Variants in MAB21L1 observed in about 807,000 individuals in gnomAD.
MAB21L1 encodes the protein putative nucleotidyltransferase MAB21L1.
In MAB21L1, 8 loss-of-function variants were observed where a neutral mutation model predicts 28.9. That is an observed-to-expected ratio of 0.28 (90% CI 0.16 to 0.50). MAB21L1 has a LOEUF of 0.50. MAB21L1 is among the 20% of genes least tolerant of loss of function. MAB21L1 has a pLI of 0.98. For synonymous variants in MAB21L1, 219 were observed against 198.2 expected, an observed-to-expected ratio of 1.10 and a Z score of -0.88; for missense variants, 388 against 466.5, an observed-to-expected ratio of 0.83 and a Z score of 1.55.
Position 35,474,693 on chromosome 13 carries a change from C to G in MAB21L1, c.*366G>C, listed in dbSNP as rs1210405981. On this transcript the variant is annotated 3_prime_UTR_variant, in exon 1 of 1. Coordinates refer to ENST00000379919, the MANE Select transcript of MAB21L1 (RefSeq NM_005584.5). ...TATCCAAATCGTGTTTACTCACAGA[C>G]AGATGCACCTAAATCACCAGGATTG... 5 of 187,818 alleles carry G rather than the reference C, an allele frequency of 2.7e-5. No homozygotes were observed. Among genetic ancestry groups the G allele is most frequent in the Non-Finnish European group, 4.4e-5 (4 of 90,628 alleles). The allele number at this position is 187,818 out of a possible 1,614,324, so 11.6% of individuals were successfully genotyped here.
Position 35,475,069 on chromosome 13 carries a change from T to A in MAB21L1, c.1070A>T (p.Glu357Val). Reference sequence around the variant, plus strand: ...TGATTAAATCATCCTCTAAAGTTTTTCCAAACTTTTCGGGTTGGTCAGGAT... The same window carrying A: ...TGATTAAATCATCCTCTAAAGTTTTACCAAACTTTTCGGGTTGGTCAGGAT... ...REILTNPKSL[E>V]KL The change falls in exon 1 of 1, where the codon GAA becomes GTA. Residue 357 changes from glutamate to valine, a missense_variant. Glu to Val is a moderately radical substitution (Grantham distance 121, BLOSUM62 -2). Coordinates refer to ENST00000379919, the MANE Select transcript of MAB21L1 (RefSeq NM_005584.5). 6.2e-7 allele frequency: 1 copy of A among 1,611,526 alleles called. No homozygotes were observed. Among genetic ancestry groups the A allele is most frequent in the Non-Finnish European group, 8.5e-7 (1 of 1,178,492 alleles).
rs45597031 is a variant in MAB21L1 at position 35,475,476 on chromosome 13, C to T, written c.663G>A (p.Lys221=). Residue 221 remains lysine (K), a synonymous_variant, in exon 1 of 1, where the codon AAG becomes AAA. Coordinates refer to ENST00000379919, the MANE Select transcript of MAB21L1 (RefSeq NM_005584.5). ...AGGCGTCGCTCTCCGCCGAGCTCTG[C>T]TTGCCGGCCAAGGAGTGGCACTCCT... ...LSKECHSLAG[K]QSSAESDAWV... is the part of the protein sequence containing the mutation. The T allele has an allele frequency of 8.7e-6, 14 of 1,612,576 alleles. No homozygotes were observed. The highest frequency in any genetic ancestry group is 1.2e-5 in the Non-Finnish European group (14 of 1,179,902).
chr13:35,474,874 C>G lies in MAB21L1; in HGVS notation c.*185G>C. 1.4e-6 allele frequency: 1 copy of G among 709,946 alleles called. No individual in the cohort carries two copies. Among genetic ancestry groups the G allele is most frequent in the South Asian group, 2.1e-5 (1 of 47,096 alleles). 44.0% of individuals were successfully genotyped at this position (709,946 alleles called of 1,614,324 possible). On this transcript the variant is annotated 3_prime_UTR_variant, in exon 1 of 1. Coordinates refer to ENST00000379919, the MANE Select transcript of MAB21L1 (RefSeq NM_005584.5). ...GTGGCTTTGGGTTTTTCTCCATCCG[C>G]TTCCCCTACTTTTTCTCCCCTTGTG... is the stretch of plus-strand genomic sequence containing the variant.
Position 35,475,314 on chromosome 13 carries a change from C to G in MAB21L1, c.825G>C (p.Lys275Asn), listed in dbSNP as rs150778993. The G allele has an allele frequency of 2.5e-5, 41 of 1,613,910 alleles. No individual in the cohort carries two copies. Among genetic ancestry groups the G allele is most frequent in the Non-Finnish European group, 8.5e-7 (1 of 1,180,030 alleles). The change falls in exon 1 of 1, where the codon AAG becomes AAC. Residue 275 changes from lysine (K) to asparagine (N), a missense_variant. This residue lies in a region of MAB21L1 where 218 missense variants were observed against 220.6 expected (regional missense o/e 0.99). Transcript: ENST00000379919. ...TTTCACACTCGTAGGAAACCAGAGT[C>G]TTCATATGGTAATTGTTCAAGGGCT... ...PGQPLNNYHM[K>N]TLVSYECEKH...
At position 35,475,425 on chromosome 13, in the gene MAB21L1, C is replaced by T; in HGVS notation, c.714G>A (p.Glu238=). 1 of 1,613,574 alleles carries T rather than the reference C, an allele frequency of 6.2e-7. No individual in the cohort carries two copies. Among genetic ancestry groups the T allele is most frequent in the Non-Finnish European group, 8.5e-7 (1 of 1,179,970 alleles). ...TGCAGCCCCCCATCTGCAGTCTGTTCTCTGCCTCCGCGAACTGCAGCACCC... is the reference window on the plus strand; with the variant it reads ...TGCAGCCCCCCATCTGCAGTCTGTTTTCTGCCTCCGCGAACTGCAGCACCC... The part of the protein sequence containing the change: ...DAWVLQFAEA[E]NRLQMGGCRK... The change falls in exon 1 of 1, where the codon GAG becomes GAA. Residue 238 remains glutamate, a synonymous_variant. Transcript: ENST00000379919.
Position 35,475,056 on chromosome 13 carries a change from C to G in MAB21L1, c.*3G>C, listed in dbSNP as rs992598508. ...TAATTTCGGCTCTTGATTAAATCATCCTCTAAAGTTTTTCCAAACTTTTCG... is the reference window on the plus strand; with the variant it reads ...TAATTTCGGCTCTTGATTAAATCATGCTCTAAAGTTTTTCCAAACTTTTCG... On this transcript the variant is annotated 3_prime_UTR_variant, in exon 1 of 1. Transcript: ENST00000379919. 4.3e-6 allele frequency: 7 copies of G among 1,609,666 alleles called. No individual in the cohort carries two copies. The highest frequency in any genetic ancestry group is 5.9e-6 in the Non-Finnish European group (7 of 1,177,512).
At position 35,475,482 on chromosome 13, in the gene MAB21L1, G is replaced by T; in HGVS notation, c.657C>A (p.Ala219=). 1 of 1,612,428 alleles carries T rather than the reference G, an allele frequency of 6.2e-7. No homozygotes were observed. Among genetic ancestry groups the T allele is most frequent in the Non-Finnish European group, 8.5e-7 (1 of 1,179,910 alleles). ...NLLSKECHSL[A]GKQSSAESDA... ...CGCTCTCCGCCGAGCTCTGCTTGCC[G>T]GCCAAGGAGTGGCACTCCTTGGACA... Residue 219 remains alanine, a synonymous_variant, in exon 1 of 1, where the codon GCC becomes GCA. Transcript: ENST00000379919.
At position 35,475,163 on chromosome 13, in the gene MAB21L1, G is replaced by C. The variant is rs1469707791; in HGVS notation, c.976C>G (p.Leu326Val). The change falls in exon 1 of 1, where the codon CTG becomes GTG. Residue 326 changes from leucine to valine, a missense_variant. Transcript: ENST00000379919. ...CPHYFLPNLD[L>V]FQGKPHSALE... ...GCTGAGTGAGGTTTGCCTTGAAACA[G>C]ATCTAAGTTCGGTAGAAAGTAGTGG... 3 of 1,613,978 alleles carry C rather than the reference G, an allele frequency of 1.9e-6. No homozygotes were observed. Among genetic ancestry groups the C allele is most frequent in the Non-Finnish European group, 2.5e-6 (3 of 1,180,026 alleles).
chr13:35,473,929 A>G lies in MAB21L1; in HGVS notation c.*1130T>C, dbSNP rs1202246466. 2.0e-5 allele frequency among the ~76,000 whole-genome samples: 3 copies of G among 151,978 alleles called. No homozygotes were observed. The highest frequency in any genetic ancestry group is 7.2e-5 in the African/African-American group (3 of 41,408). On this transcript the variant is annotated 3_prime_UTR_variant, in exon 1 of 1. Coordinates refer to ENST00000379919, the MANE Select transcript of MAB21L1 (RefSeq NM_005584.5). Reference sequence around the variant, plus strand: ...ACTGTCATGATAGACTTTTTTTCTTATATTATCAAAAATGCTACAAGAAGA... The same window carrying G: ...ACTGTCATGATAGACTTTTTTTCTTGTATTATCAAAAATGCTACAAGAAGA...
In MAB21L1 at chr13:35,475,313, T is replaced by C. The variant is rs752263014; in HGVS notation, c.826A>G (p.Thr276Ala). Reference protein sequence around the residue: ...GQPLNNYHMKTLVSYECEKHP... With the variant: ...GQPLNNYHMKALVSYECEKHP... ...TTTTCACACTCGTAGGAAACCAGAG[T>C]CTTCATATGGTAATTGTTCAAGGGC... Residue 276 changes from threonine (T) to alanine (A), a missense_variant, in exon 1 of 1, where the codon ACT (threonine) becomes GCT (alanine). Transcript: ENST00000379919. 3.1e-6 allele frequency: 5 copies of C among 1,613,356 alleles called. No individual in the cohort carries two copies. The East Asian group carries it at 1.1e-4, about 36-fold the overall frequency.
Position 35,475,705 on chromosome 13 carries a change from T to C in MAB21L1, c.434A>G (p.Tyr145Cys), listed in dbSNP as rs1450976891. ...TGCCACCATCTTTACCACATCCCGG[T>C]AGCTACATTTGTCTACCGCTTGAGC... Reference protein sequence around the residue: ...LVAQAVDKCSYRDVVKMVADT... With the variant: ...LVAQAVDKCSCRDVVKMVADT... The change falls in exon 1 of 1, where the codon TAC becomes TGC. Residue 145 changes from tyrosine to cysteine, a missense_variant. By Grantham distance (194) the Tyr-to-Cys change is radical. This residue lies in a region of MAB21L1 where 81 missense variants were observed against 153.7 expected (regional missense o/e 0.53). Coordinates refer to ENST00000379919, the MANE Select transcript of MAB21L1 (RefSeq NM_005584.5). 4 of 1,613,750 alleles carry C rather than the reference T, an allele frequency of 2.5e-6. No individual in the cohort carries two copies. The highest frequency in any genetic ancestry group is 4.5e-5 in the East Asian group (2 of 44,790).
Position 35,475,094 on chromosome 13 carries a change from T to A in MAB21L1, c.1045A>T (p.Ile349Phe), listed in dbSNP as rs1256468956. Residue 349 changes from isoleucine to phenylalanine, a missense_variant, in exon 1 of 1, where the codon ATC (isoleucine) becomes TTC (phenylalanine). By Grantham distance (21) the Ile-to-Phe change is conservative. This residue lies in a region of MAB21L1 where 218 missense variants were observed against 220.6 expected (regional missense o/e 0.99). Transcript: ENST00000379919. ...AKQTWRLARE[I>F]LTNPKSLEKL Reference sequence around the variant, plus strand: ...TCCAAACTTTTCGGGTTGGTCAGGATCTCTCTTGCCAGTCGCCACGTTTGT... The same window carrying A: ...TCCAAACTTTTCGGGTTGGTCAGGAACTCTCTTGCCAGTCGCCACGTTTGT... 6.2e-7 allele frequency: 1 copy of A among 1,614,058 alleles called. No individual in the cohort carries two copies. The highest frequency in any genetic ancestry group is 1.7e-5 in the Admixed American group (1 of 60,014).
rs2075793591 is a variant in MAB21L1, at chr13:35,474,883, C to G, written c.*176G>C. 1 of 780,736 alleles carries G rather than the reference C, an allele frequency of 1.3e-6. No homozygotes were observed. Among genetic ancestry groups the G allele is most frequent in the Non-Finnish European group, 2.0e-6 (1 of 506,824 alleles). 48.4% of individuals were successfully genotyped at this position (780,736 alleles called of 1,614,324 possible). A position where few individuals can be genotyped will look rare whatever the true frequency, so the allele number is the denominator to read the frequency against. ...GGTTTTTCTCCATCCGCTTCCCCTA[C>G]TTTTTCTCCCCTTGTGGGGGTGGGT... On this transcript the variant is annotated 3_prime_UTR_variant, in exon 1 of 1. Transcript: ENST00000379919.
rs1370573746 is a variant in MAB21L1 at position 35,474,847 on chromosome 13, T to C, written c.*212A>G. On this transcript the variant is annotated 3_prime_UTR_variant, in exon 1 of 1. Coordinates refer to ENST00000379919, the MANE Select transcript of MAB21L1 (RefSeq NM_005584.5). ...CGTGTGGAAAGAAGTCTTCTAATAC[T>C]AGTGGCTTTGGGTTTTTCTCCATCC... is the stretch of plus-strand genomic sequence containing the variant. 5.2e-6 allele frequency: 3 copies of C among 578,634 alleles called. No individual in the cohort carries two copies. Among genetic ancestry groups the C allele is most frequent in the Non-Finnish European group, 8.9e-6 (3 of 335,272 alleles). 35.8% of individuals were successfully genotyped at this position (578,634 alleles called of 1,614,324 possible).
Position 35,474,932 on chromosome 13 carries a change from T to C in MAB21L1, c.*127A>G. 6.2e-6 allele frequency: 7 copies of C among 1,130,600 alleles called. No individual in the cohort carries two copies. The highest frequency in any genetic ancestry group is 8.9e-6 in the Non-Finnish European group (7 of 787,780). 70.0% of individuals were successfully genotyped at this position (1,130,600 alleles called of 1,614,324 possible). A position where few individuals can be genotyped will look rare whatever the true frequency, so the allele number is the denominator to read the frequency against. On this transcript the variant is annotated 3_prime_UTR_variant, in exon 1 of 1. Transcript: ENST00000379919. ...GTGAGATGATGTTTAAATATTGTATTATTATTCCTTTTTAAAGGAAGAGAT... is the reference window on the plus strand; with the variant it reads ...GTGAGATGATGTTTAAATATTGTATCATTATTCCTTTTTAAAGGAAGAGAT...
In MAB21L1 at chr13:35,475,235, C is replaced by G; in HGVS notation, c.904G>C (p.Gly302Arg). 1 of 1,613,848 alleles carries G rather than the reference C, an allele frequency of 6.2e-7. No individual in the cohort carries two copies. The highest frequency in any genetic ancestry group is 8.5e-7 in the Non-Finnish European group (1 of 1,179,976). The change falls in exon 1 of 1, where the codon GGG becomes CGG. Residue 302 changes from glycine to arginine, a missense_variant. By Grantham distance (125) the Gly-to-Arg change is moderately radical. Transcript: ENST00000379919. ...DESCLGDRLNGILLQLISCLQ... is the reference protein window; with the variant it reads ...DESCLGDRLNRILLQLISCLQ... ...CAGGAGATAAGTTGCAGCAAAATCCCGTTCAGCCGATCACCCAGGCAAGAC... is the reference window on the plus strand; with the variant it reads ...CAGGAGATAAGTTGCAGCAAAATCCGGTTCAGCCGATCACCCAGGCAAGAC...
In MAB21L1 at chr13:35,476,456, A is replaced by G. The variant is rs2075877738; in HGVS notation, c.-318T>C. On this transcript the variant is annotated 5_prime_UTR_variant, in exon 1 of 1. Transcript: ENST00000379919. ...TCCTCTTTTAAAGAATCCTTGTGTG[A>G]GAGAACCGCATGGAGAGATCACCTT... 6 of 860,390 alleles carry G rather than the reference A, an allele frequency of 7.0e-6. No individual in the cohort carries two copies. Among genetic ancestry groups the G allele is most frequent in the Non-Finnish European group, 1.1e-5 (6 of 524,636 alleles). The allele number at this position is 860,390 out of a possible 1,614,324, so 53.3% of individuals were successfully genotyped here.
Position 35,475,323 on chromosome 13 carries a change from G to T in MAB21L1, c.816C>A (p.Tyr272Ter). The change falls in exon 1 of 1, where the codon TAC becomes TAA. Residue 272 changes from tyrosine (Y) to a stop codon, truncating the protein, a stop_gained. Transcript: ENST00000379919. LOFTEE classifies it high-confidence loss of function. The part of the protein sequence containing the change: ...LELPGQPLNN[Y>*]HMKTLVSYEC... ...CGTAGGAAACCAGAGTCTTCATATGGTAATTGTTCAAGGGCTGGCCCGGCA... is the reference window on the plus strand; with the variant it reads ...CGTAGGAAACCAGAGTCTTCATATGTTAATTGTTCAAGGGCTGGCCCGGCA... The T allele has an allele frequency of 6.2e-7, 1 of 1,614,050 alleles. No homozygotes were observed. Among genetic ancestry groups the T allele is most frequent in the Non-Finnish European group, 8.5e-7 (1 of 1,180,018 alleles).
rs1174790774 is a variant in MAB21L1 at position 35,475,719 on chromosome 13, T to C, written c.420A>G (p.Val140=). ...SRFQTLVAQA[V]DKCSYRDVVK... is the part of the protein sequence containing the mutation. Reference sequence around the variant, plus strand: ...CCACATCCCGGTAGCTACATTTGTCTACCGCTTGAGCCACCAGCGTCTGAA... The same window carrying C: ...CCACATCCCGGTAGCTACATTTGTCCACCGCTTGAGCCACCAGCGTCTGAA... The change falls in exon 1 of 1, where the codon GTA becomes GTG. Residue 140 remains valine (V), a synonymous_variant. Coordinates refer to ENST00000379919, the MANE Select transcript of MAB21L1 (RefSeq NM_005584.5). 10 of 1,613,720 alleles carry C rather than the reference T, an allele frequency of 6.2e-6. No homozygotes were observed. The highest frequency in any genetic ancestry group is 7.6e-6 in the Non-Finnish European group (9 of 1,180,000).
Sources: gnomAD v4.1 joint callset for allele counts (sites outside exome capture counted in the v4.1 genomes callset) on GRCh38, gnomAD v4.1.1 for gene constraint, gnomAD v4.1.1 regional missense constraint, MANE v1.5 for transcripts, NCBI Gene and HGNC (gene_info 2026-07-23, HGNC 2026-07-21) for gene names.